DAB2IP: variants seen among roughly 807,000 people sequenced by gnomAD.
DAB2IP encodes the protein disabled homolog 2-interacting protein.
In DAB2IP, 28 loss-of-function variants were observed where a neutral mutation model predicts 107.2. The ratio of observed to expected loss-of-function variants is 0.26; its 90% CI spans 0.19 to 0.36. The LOEUF (loss-of-function observed/expected upper bound fraction) is 0.36, where lower values mean the gene tolerates loss of function less well. Ranked by LOEUF, DAB2IP falls within the 10% of genes least tolerant of loss-of-function variation. The pLI is 1.00. For missense variants in DAB2IP, 1,400 were observed against 1,644.7 expected (o/e 0.85, Z 2.57); for synonymous variants, 755 against 706.4 (o/e 1.07, Z -1.09).
At chr9:121,618,365 AT>A (rs143238568) in intron 1 of DAB2IP, among the ~76,000 whole-genome samples, 228 of 147,034 alleles carry the variant, frequency 1.6e-3, no homozygotes, top group Middle Eastern at 7.2e-3. Context: ...AATTCAATGG[AT>A]TTTTTTTTTT....
intron 1 of DAB2IP, 30 bp from the exon 2 acceptor site, chr9:121,678,648 T>C: frequency 1.4e-6 from 2 of 1,475,962 alleles, no homozygotes; most frequent in Non-Finnish European, 1.8e-6. Context: ...GCTGTTCTTG[T>C]TCAACCTCTC....
intron 1 of DAB2IP, among the ~76,000 whole-genome samples, chr9:121,640,041 A>G (rs1002814005): frequency 2.0e-5 from 3 of 152,172 alleles, no homozygotes; most frequent in Non-Finnish European, 2.9e-5. Flanking sequence ...TCAGGGGAAC[A>G]GGGGCCCAGA....
At chr9:121,567,240 C>A in intron 1 of DAB2IP, 1 of 1,613,950 alleles carries the variant, frequency 6.2e-7, no homozygotes, top group African/African-American at 1.3e-5. Flanking sequence ...TAAGACGGTG[C>A]CAGCAAAGTG....
rs765169272 is a variant in DAB2IP at position 121,782,472 on chromosome 9, G to A, written c.3544G>A (p.Glu1182Lys). Residue 1182 changes from glutamate (E) to lysine (K), a missense_variant, in exon 16 of 16, where the codon GAG becomes AAG. Physicochemically the swap from Glu to Lys is moderately conservative, Grantham distance 56. Transcript: ENST00000408936. This position sits in a 1 kb window ranked among gnomAD's most constrained non-coding sequence, Gnocchi z 6.1. ...CAAATTGCAGATTACTGAGAACGGC[G>A]AGTTCAGAAACAGCAGCAATTGTTA... 5 of 1,614,058 alleles carry A rather than the reference G, an allele frequency of 3.1e-6. No individual in the cohort carries two copies. Among genetic ancestry groups the A allele is most frequent in the Non-Finnish European group, 4.2e-6 (5 of 1,179,942 alleles).
chr9:121,570,763 G>A (rs1829919562), intron 1 of DAB2IP, among the ~76,000 whole-genome samples: 1 of 152,100 alleles, frequency 6.6e-6, no homozygotes, highest in African/African-American at 2.4e-5. Context: ...GCCCAGGCTG[G>A]TCTCAAACTC....
intron 1 of DAB2IP, among the ~76,000 whole-genome samples, chr9:121,661,537 C>T (rs531156795): frequency 6.6e-6 from 1 of 152,134 alleles, no homozygotes; most frequent in South Asian, 2.1e-4. Context: ...AGGGAAGGGC[C>T]GGTTTTACTA....
At chr9:121,731,669 G>A (rs1246279543) in intron 3 of DAB2IP, among the ~76,000 whole-genome samples, 1 of 147,850 alleles carries the variant, frequency 6.8e-6, no homozygotes, top group East Asian at 1.9e-4. Context: ...TGCCCAGTGG[G>A]GCTGGGGCTG....
chr9:121,571,991 C>T (rs1437919903), intron 1 of DAB2IP, among the ~76,000 whole-genome samples: 1 of 138,664 alleles, frequency 7.2e-6, no homozygotes, highest in African/African-American at 2.8e-5. Context: ...GACGGCCAGA[C>T]AAGATGTGAC....
intron 1 of DAB2IP, among the ~76,000 whole-genome samples, chr9:121,665,828 A>G (rs1833396410): frequency 6.6e-6 from 1 of 152,202 alleles, no homozygotes; most frequent in African/African-American, 2.4e-5. Flanking sequence ...AAGAGGAGAG[A>G]TGGGAGCCCT....
intron 3 of DAB2IP, among the ~76,000 whole-genome samples, chr9:121,747,362 C>CTTTTTTTTTTT (rs1564196322): frequency 7.7e-6 from 1 of 130,224 alleles, no homozygotes; most frequent in African/African-American, 3.1e-5. Context: ...TTTTTTTTTC[C>CTTTTTTTTTTT]CCTGAGACAG....
At position 121,698,226 on chromosome 9, in the gene DAB2IP, A is replaced by T. The variant is rs1055108046; in HGVS notation, c.229-1099A>T. 6.6e-6 allele frequency among the ~76,000 whole-genome samples: 1 copy of T among 152,118 alleles called. No homozygotes were observed. Among genetic ancestry groups the T allele is most frequent in the Non-Finnish European group, 1.5e-5 (1 of 68,038 alleles). On this transcript the variant is annotated intron_variant, in intron 2 of 15. Transcript: ENST00000408936. The surrounding 1 kb of genome is among the most constrained non-coding windows in gnomAD (Gnocchi z 4.1). ...AGACTGGGGTGGGTGAGCCCCCAGA[A>T]CACCCCCCTCTTTAGAGGACTCCCC...
intron 1 of DAB2IP, among the ~76,000 whole-genome samples, chr9:121,670,238 G>C (rs72764057): frequency 1.3e-5 from 2 of 152,194 alleles, no homozygotes; most frequent in African/African-American, 2.4e-5. Context: ...CCAAGTTGTC[G>C]TGTGTATCAA....
chr9:121,747,360 T>TTTC (rs1359831572), intron 3 of DAB2IP, among the ~76,000 whole-genome samples: 1 of 148,960 alleles, frequency 6.7e-6, no homozygotes, highest in Non-Finnish European at 1.5e-5. Flanking sequence ...TTTTTTTTTT[T>TTTC]CCCCTGAGAC....
intron 2 of DAB2IP, among the ~76,000 whole-genome samples, chr9:121,679,406 G>C (rs12350399): frequency 0.19 from 27,587 of 147,258 alleles, 4,282 homozygotes; most frequent in African/African-American, 0.42. Flanking sequence ...TTCTGCATTT[G>C]TGCATGTACA....
At chr9:121,646,496 C>G (rs1192923173) in intron 1 of DAB2IP, among the ~76,000 whole-genome samples, 3 of 144,036 alleles carry the variant, frequency 2.1e-5, no homozygotes, top group Admixed American at 1.4e-4. Context: ...GCCACCCCCC[C>G]CACCCCGACC....
chr9:121,629,925 A>C (rs1831811970), intron 1 of DAB2IP, among the ~76,000 whole-genome samples: 2 of 152,218 alleles, frequency 1.3e-5, no homozygotes, highest in Admixed American at 1.3e-4. Context: ...AGTGAGTCTC[A>C]GGATGGACTC....
chr9:121,598,840 C>G (rs1830593169), intron 1 of DAB2IP, among the ~76,000 whole-genome samples: 1 of 152,252 alleles, frequency 6.6e-6, no homozygotes, highest in Non-Finnish European at 1.5e-5. Flanking sequence ...GAAAAGCGTT[C>G]GCCCCGCTCT....
intron 6 of DAB2IP, among the ~76,000 whole-genome samples, chr9:121,761,717 A>G (rs1322451911): frequency 3.3e-5 from 5 of 152,152 alleles, no homozygotes; most frequent in African/African-American, 1.2e-4. Flanking sequence ...CCCAGCCTTC[A>G]GACTTGGCTG....
rs78083431 is a variant in DAB2IP at position 121,776,210 on chromosome 9, C to T, written c.3133C>T (p.Leu1045=). The change falls in exon 14 of 16, where the codon CTG becomes TTG. Residue 1045 remains leucine, a synonymous_variant. Coordinates refer to ENST00000408936, the Ensembl canonical transcript of DAB2IP. This position sits in a 1 kb window ranked among gnomAD's most constrained non-coding sequence, Gnocchi z 5.4. ...GCCCTCCTGGTAGGACCTGGCGGTGCTGCAGGACAAGCTGCGAATCTCCAC... is the reference window on the plus strand; with the variant it reads ...GCCCTCCTGGTAGGACCTGGCGGTGTTGCAGGACAAGCTGCGAATCTCCAC... The T allele has an allele frequency of 3.7e-5, 59 of 1,576,004 alleles. No homozygotes were observed. Among genetic ancestry groups the T allele is most frequent in the Non-Finnish European group, 4.9e-5 (57 of 1,161,232 alleles).
Sources: gnomAD v4.1 joint callset for allele counts (sites outside exome capture counted in the v4.1 genomes callset) on GRCh38, gnomAD v4.1.1 for gene constraint, Gnocchi (gnomAD v3.1) non-coding constraint, MANE v1.5 for transcripts, NCBI Gene and HGNC (gene_info 2026-07-23, HGNC 2026-07-21) for gene names.